The following TIAM1 variants were observed in gnomAD, a reference collection of about 807,000 sequenced individuals.
The protein encoded by TIAM1 is rho guanine nucleotide exchange factor TIAM1.
TIAM1 carries 65 observed loss-of-function variants against 163.5 expected under a neutral mutation model. The observed-to-expected ratio is 0.40, with a 90% CI of 0.33 to 0.49. The LOEUF (loss-of-function observed/expected upper bound fraction) is 0.49, where lower values mean the gene tolerates loss of function less well. Among genes scored for constraint, TIAM1 ranks in the 20% least tolerant of loss-of-function variants. TIAM1 has a pLI of 0.77. For synonymous variants in TIAM1, 833 were observed against 810.1 expected, an observed-to-expected ratio of 1.03 and a Z score of -0.48; for missense variants, 1,789 against 2,044.7, an observed-to-expected ratio of 0.87 and a Z score of 2.41.
At chr21:31,439,329 G>A (rs546487725) in intron 2 of TIAM1, among the ~76,000 whole-genome samples, 16 of 152,266 alleles carry the variant, frequency 1.1e-4, no homozygotes, top group South Asian at 6.2e-4. Flanking sequence ...TTACTCTGTC[G>A]CCCAGGCTGG....
intron 2 of TIAM1, among the ~76,000 whole-genome samples, chr21:31,404,492 G>GAAAA (rs3216557): frequency 7.0e-6 from 1 of 143,766 alleles, no homozygotes; most frequent in African/African-American, 2.5e-5. Flanking sequence ...TTTTAAAGAG[G>GAAAA]AAAAAAAAAA....
At chr21:31,477,334 C>T (rs958955359) in intron 1 of TIAM1, among the ~76,000 whole-genome samples, 1 of 152,190 alleles carries the variant, frequency 6.6e-6, no homozygotes, top group African/African-American at 2.4e-5. Context: ...AGGCAATCTG[C>T]TGGCAAATGC....
intron 2 of TIAM1, among the ~76,000 whole-genome samples, chr21:31,370,719 T>C (rs2076583277): frequency 6.6e-6 from 1 of 152,180 alleles, no homozygotes; most frequent in South Asian, 2.1e-4. Context: ...CCTGAGGGTG[T>C]GTGTGGCCTG....
At chr21:31,150,628 A>T (rs1162549370) in intron 19 of TIAM1, among the ~76,000 whole-genome samples, 1 of 152,232 alleles carries the variant, frequency 6.6e-6, no homozygotes, top group Non-Finnish European at 1.5e-5. Context: ...CTTCTAAGAG[A>T]AAACTACAAA....
intron 19 of TIAM1, among the ~76,000 whole-genome samples, chr21:31,152,033 T>G (rs1345928197): frequency 2.4e-5 from 2 of 84,898 alleles, no homozygotes; most frequent in Admixed American, 1.3e-4. Context: ...TTTTTTTTTT[T>G]TTTTTTTTTT....
chr21:31,482,719 G>A (rs1467240944), intron 1 of TIAM1, among the ~76,000 whole-genome samples: 1 of 152,140 alleles, frequency 6.6e-6, no homozygotes, highest in African/African-American at 2.4e-5. Flanking sequence ...CTGCCCATGT[G>A]CATCTGGTAA....
chr21:31,462,043 G>A (rs1042007175), intron 2 of TIAM1, among the ~76,000 whole-genome samples: 3 of 152,110 alleles, frequency 2.0e-5, no homozygotes, highest in South Asian at 2.1e-4. Context: ...ACAATGTGTC[G>A]GGGACGAGAA....
At chr21:31,338,655 T>C (rs533448159) in intron 2 of TIAM1, among the ~76,000 whole-genome samples, 32 of 152,276 alleles carry the variant, frequency 2.1e-4, no homozygotes, top group African/African-American at 7.2e-4. Flanking sequence ...GAGGGTGTCT[T>C]TGCAGCATAT....
At chr21:31,486,220 A>C (rs569467216) in intron 1 of TIAM1, among the ~76,000 whole-genome samples, 18 of 152,338 alleles carry the variant, frequency 1.2e-4, no homozygotes, top group African/African-American at 4.1e-4. Context: ...GCCATCCAGC[A>C]CTGGAACGCA....
At chr21:31,358,240 T>A (rs948245312) in intron 2 of TIAM1, among the ~76,000 whole-genome samples, 5 of 152,182 alleles carry the variant, frequency 3.3e-5, no homozygotes, top group Non-Finnish European at 7.3e-5. Context: ...TGGGCAGTAT[T>A]AATTCCAGAG....
intron 22 of TIAM1, among the ~76,000 whole-genome samples, chr21:31,138,489 T>C (rs1416865160): frequency 6.6e-6 from 1 of 152,244 alleles, no homozygotes; most frequent in African/African-American, 2.4e-5. Flanking sequence ...TTCTAGGCTG[T>C]TACTTCACAT....
chr21:31,369,157 C>T (rs1000163714), intron 2 of TIAM1, among the ~76,000 whole-genome samples: 3 of 147,156 alleles, frequency 2.0e-5, no homozygotes, highest in Admixed American at 7.0e-5. Context: ...ACCCGGGAGG[C>T]GGAGCTTGCA....
chr21:31,430,226 AT>A (rs575322720), intron 2 of TIAM1, among the ~76,000 whole-genome samples: 12,936 of 67,856 alleles, frequency 0.19, 756 homozygotes, highest in Non-Finnish European at 0.21. Context: ...AAAAAAAAAA[AT>A]ATATATATAT....
At chr21:31,317,060 G>C (rs2075148140) in intron 2 of TIAM1, among the ~76,000 whole-genome samples, 2 of 152,292 alleles carry the variant, frequency 1.3e-5, no homozygotes, top group African/African-American at 4.8e-5. Context: ...CCCTTTGTTT[G>C]TCTCAGTTGG....
At chr21:31,365,973 A>T (rs2076498393) in intron 2 of TIAM1, among the ~76,000 whole-genome samples, 1 of 150,724 alleles carries the variant, frequency 6.6e-6, no homozygotes, top group Admixed American at 6.6e-5. Flanking sequence ...CTATAGTCCC[A>T]GCTACTCAGG....
At chr21:31,215,612 T>C (rs867306810) in intron 9 of TIAM1, among the ~76,000 whole-genome samples, 4 of 150,414 alleles carry the variant, frequency 2.7e-5, no homozygotes, top group Non-Finnish European at 3.0e-5. Flanking sequence ...TGATGGTTCA[T>C]GTCCTCCTTT....
chr21:31,311,998 C>T (rs1374434582), intron 2 of TIAM1, among the ~76,000 whole-genome samples: 1 of 152,238 alleles, frequency 6.6e-6, no homozygotes, highest in Non-Finnish European at 1.5e-5. Flanking sequence ...TGCCCTTGAA[C>T]ATCAGACTCC....
intron 16 of TIAM1, among the ~76,000 whole-genome samples, chr21:31,161,418 G>T (rs999429944): frequency 1.3e-5 from 2 of 152,156 alleles, no homozygotes; most frequent in Admixed American, 6.5e-5. Context: ...GAAAGAGAAA[G>T]GCTGCTAGAC....
chr21:31,334,462 A>G (rs141050259), intron 2 of TIAM1, among the ~76,000 whole-genome samples: 1 of 152,042 alleles, frequency 6.6e-6, no homozygotes, highest in African/African-American at 2.4e-5. Flanking sequence ...GTTCTTCATC[A>G]ATGCTTCAGT....
Sources: gnomAD v4.1 joint callset for allele counts (sites outside exome capture counted in the v4.1 genomes callset) on GRCh38, gnomAD v4.1.1 for gene constraint, MANE v1.5 for transcripts, NCBI Gene and HGNC (gene_info 2026-07-23, HGNC 2026-07-21) for gene names.